The following PSMD4 variants were observed in gnomAD, a reference collection of about 807,000 sequenced individuals.
PSMD4 encodes 26S proteasome non-ATPase regulatory subunit 4.
A neutral mutation model predicts 39.7 loss-of-function variants in PSMD4; 5 were observed. The observed-to-expected ratio is 0.13, with a 90% CI of 0.07 to 0.26. The LOEUF (loss-of-function observed/expected upper bound fraction) is 0.26. Ranked by LOEUF, PSMD4 falls within the 10% of genes least tolerant of loss-of-function variation. The pLI is 1.00. For synonymous variants in PSMD4, 143 were observed against 174.6 expected (o/e 0.82, Z 1.43); for missense variants, 272 against 486.1 (o/e 0.56, Z 4.14).
At chr1:151,266,793 C>T (rs1693459192) in intron 9 of PSMD4, 1 of 792,856 alleles carries the variant, frequency 1.3e-6, no homozygotes, top group Non-Finnish European at 2.1e-6. Context: ...CTGTAATTTT[C>T]CTTTCTTGCT....
intron 1 of PSMD4, among the ~76,000 whole-genome samples, chr1:151,257,726 T>TTC (rs1198724980): frequency 1.4e-5 from 2 of 145,504 alleles, no homozygotes; most frequent in Non-Finnish European, 3.0e-5. Flanking sequence ...TTTTTTTTTT[T>TTC]TTTTTTTTTT....
chr1:151,262,389 C>T, intron 2 of PSMD4, 88 bp downstream of exon 2: 1 of 1,521,404 alleles, frequency 6.6e-7, no homozygotes, highest in Non-Finnish European at 9.1e-7. Flanking sequence ...TGCTTTTGCC[C>T]ATCACCTTCC....
intron 1 of PSMD4, among the ~76,000 whole-genome samples, chr1:151,261,432 C>T (rs1410196738): frequency 6.6e-6 from 1 of 152,082 alleles, no homozygotes; most frequent in African/African-American, 2.4e-5. Context: ...GCCTCGGCCT[C>T]CCAAAGTGCT....
At chr1:151,257,112 T>TTGTGTA (rs1364295953) in intron 1 of PSMD4, among the ~76,000 whole-genome samples, 1 of 152,230 alleles carries the variant, frequency 6.6e-6, no homozygotes, top group East Asian at 1.9e-4. Context: ...CAGTTAATTT[T>TTGTGTA]TGTGTATGGT....
At chr1:151,261,179 TC>T (rs376460203) in intron 1 of PSMD4, among the ~76,000 whole-genome samples, 1 of 148,862 alleles carries the variant, frequency 6.7e-6, no homozygotes. Context: ...TTTTTCTTTT[TC>T]TTTTTTTTTT....
intron 5 of PSMD4, 47 bp downstream of exon 5, chr1:151,265,281 C>G (rs1402745665): frequency 2.5e-6 from 4 of 1,598,416 alleles, no homozygotes; most frequent in Non-Finnish European, 3.4e-6. Context: ...TGGTCATAAA[C>G]AGAATGGTCC....
At chr1:151,260,215 A>G (rs141523941) in intron 1 of PSMD4, among the ~76,000 whole-genome samples, 13 of 151,948 alleles carry the variant, frequency 8.6e-5, no homozygotes, top group Non-Finnish European at 7.4e-5. Flanking sequence ...AAAAAAAAAG[A>G]AAGAAATGAG....
intron 1 of PSMD4, among the ~76,000 whole-genome samples, chr1:151,260,936 C>T (rs1693302104): frequency 6.6e-6 from 1 of 151,468 alleles, no homozygotes; most frequent in South Asian, 2.1e-4. Context: ...ACCTCGGCCT[C>T]CCGGGTTCAA....
At position 151,262,257 on chromosome 1, in the gene PSMD4, C is replaced by T; in HGVS notation, c.123C>T (p.Thr41=). 2.5e-6 allele frequency: 4 copies of T among 1,614,166 alleles called. No individual in the cohort carries two copies. The highest frequency in any genetic ancestry group is 1.7e-5 in the Admixed American group (1 of 60,004). ...DAVNIVCHSK[T]RSNPENNVGL... is the part of the protein sequence containing the mutation. Reference sequence around the variant, plus strand: ...TCAACATAGTTTGTCATTCAAAGACCCGCAGCAACCCTGAGAACAACGTGG... The same window carrying T: ...TCAACATAGTTTGTCATTCAAAGACTCGCAGCAACCCTGAGAACAACGTGG... The change falls in exon 2 of 10, where the codon ACC becomes ACT. Residue 41 remains threonine, a synonymous_variant. Transcript: ENST00000368884.
intron 1 of PSMD4, chr1:151,259,087 C>T (rs956916888): frequency 1.3e-5 from 2 of 152,188 alleles, no homozygotes; most frequent in African/African-American, 4.8e-5. Context: ...GTGGTGCACG[C>T]CTGTGGTCCC....
Position 151,267,316 on chromosome 1 carries a change from G to A in PSMD4, c.1107G>A (p.Lys369=). ...CCCAGGCCACCAAGGACGGCAAGAA[G>A]GACAAGAAGGAGGAAGACAAGAAGT... is the stretch of plus-strand genomic sequence containing the variant. ...LASQATKDGK[K]DKKEEDKK The change falls in exon 10 of 10, where the codon AAG becomes AAA. Residue 369 remains lysine (K), a synonymous_variant. Transcript: ENST00000368884. 1 of 1,613,916 alleles carries A rather than the reference G, an allele frequency of 6.2e-7. No individual in the cohort carries two copies. Among genetic ancestry groups the A allele is most frequent in the Non-Finnish European group, 8.5e-7 (1 of 1,179,828 alleles).
At chr1:151,265,648 C>T (rs748006654) in intron 6 of PSMD4, 39 bp downstream of exon 6, 205 of 1,577,736 alleles carry the variant, frequency 1.3e-4, no homozygotes, top group Non-Finnish European at 1.7e-4. Flanking sequence ...CCAAAGGTCC[C>T]TCTTTGTTCT....
Position 151,265,552 on chromosome 1 carries a change from T to C in PSMD4, c.597T>C (p.Leu199=). Residue 199 remains leucine, a synonymous_variant, in exon 6 of 10, where the codon CTT becomes CTC. Coordinates refer to ENST00000368884, the MANE Select transcript of PSMD4 (RefSeq NM_002810.4). ...GTGAAGGTGGTGCCATGCTGGGTCT[T>C]GGTGCCAGTGACTTTGAATTTGGAG... ...LAGEGGAMLG[L]GASDFEFGVD... 6.2e-7 allele frequency: 1 copy of C among 1,614,192 alleles called. No homozygotes were observed.
chr1:151,265,641 A>G (rs2101841183), intron 6 of PSMD4, 32 bp downstream of exon 6: 1 of 1,600,256 alleles, frequency 6.2e-7, no homozygotes, highest in Non-Finnish European at 8.6e-7. Context: ...GTAGAGTCCA[A>G]AGGTCCCTCT....
chr1:151,261,619 C>CCA (rs925505476), intron 1 of PSMD4, among the ~76,000 whole-genome samples: 72 of 152,144 alleles, frequency 4.7e-4, no homozygotes, highest in African/African-American at 1.7e-3. Flanking sequence ...CAGTAGATCA[C>CCA]CACCTTTGGT....
intron 1 of PSMD4, among the ~76,000 whole-genome samples, chr1:151,256,668 C>T (rs1379714215): frequency 2.0e-5 from 3 of 150,610 alleles, no homozygotes; most frequent in Admixed American, 2.0e-4. Context: ...AACTGCTGAG[C>T]TCAGGTGATC....
chr1:151,257,010 A>T (rs920395401), intron 1 of PSMD4, among the ~76,000 whole-genome samples: 11 of 151,880 alleles, frequency 7.2e-5, no homozygotes, highest in African/African-American at 2.2e-4. Context: ...CAGCCTCCCA[A>T]AGTGCTGGCA....
chr1:151,256,699 A>G (rs1423896317), intron 1 of PSMD4, among the ~76,000 whole-genome samples: 1 of 149,998 alleles, frequency 6.7e-6, no homozygotes, highest in Non-Finnish European at 1.5e-5. Context: ...AGCCTCCCAA[A>G]GTGCAGGGAT....
At chr1:151,263,261 C>T (rs986332996) in intron 2 of PSMD4, among the ~76,000 whole-genome samples, 12 of 151,428 alleles carry the variant, frequency 7.9e-5, no homozygotes, top group African/African-American at 2.4e-4. Flanking sequence ...GTCAGGATTT[C>T]GAGACCAGCC....
Sources: allele counts gnomAD v4.1 joint callset (sites outside exome capture counted in the v4.1 genomes callset), GRCh38; gene constraint gnomAD v4.1.1; transcripts MANE v1.5; gene names NCBI Gene and HGNC (gene_info 2026-07-23, HGNC 2026-07-21).